Variants in ATRN observed in about 807,000 individuals in gnomAD.
ATRN encodes attractin-2.
A neutral mutation model predicts 178.7 loss-of-function variants in ATRN; 54 were observed. That is an observed-to-expected ratio of 0.30 (90% CI 0.24 to 0.38). The LOEUF is 0.38. ATRN is among the 10% of genes least tolerant of loss of function. ATRN has a pLI of 1.00. For missense variants in ATRN, 1,443 were observed against 1,815.1 expected (o/e 0.79, Z 3.73); for synonymous variants, 636 against 663.0 (o/e 0.96, Z 0.63).
In ATRN at chr20:3,578,679, G is replaced by A; in HGVS notation, c.2451G>A (p.Arg817=). The A allele has an allele frequency of 1.2e-6, 2 of 1,614,050 alleles. No homozygotes were observed. The highest frequency in any genetic ancestry group is 1.7e-6 in the Non-Finnish European group (2 of 1,179,966). ...ENYDNAKLFC[R]NHNALLASLT... is the part of the protein sequence containing the mutation. ...ATGACAATGCTAAATTGTTCTGTAG[G>A]AACCACAATGCCCTTTTGGCTTCTC... Residue 817 remains arginine (R), a synonymous_variant, in exon 15 of 29, where the codon AGG becomes AGA. Coordinates refer to ENST00000262919, the MANE Select transcript of ATRN (RefSeq NM_139321.3).
At chr20:3,592,504 A>T (rs1469917268) in intron 19 of ATRN, 3 of 980,578 alleles carry the variant, frequency 3.1e-6, no homozygotes, top group Non-Finnish European at 3.6e-6. Context: ...AAAAATTATG[A>T]CAAGTGATAT....
In ATRN at chr20:3,616,446, A is replaced by G. The variant is rs56054569; in HGVS notation, c.3802-8065A>G. 9.9e-3 allele frequency among the ~76,000 whole-genome samples: 1,492 copies of G among 150,478 alleles called. 22 individuals carry two copies. The highest frequency in any genetic ancestry group is 0.034 in the African/African-American group (1,386 of 40,838). On this transcript the variant is annotated intron_variant, in intron 24 of 28. Transcript: ENST00000262919. The stretch of plus-strand genomic sequence containing the variant: ...GAGTGCCCTGTGTCACCTGAGTCCA[A>G]GTTAAGAGAGATCACACCAGAGCTG...
In ATRN at chr20:3,495,920, T is replaced by A. The variant is rs539617498; in HGVS notation, c.410+24403T>A. On this transcript the variant is annotated intron_variant, in intron 1 of 28. Transcript: ENST00000262919. ...TAAACCAAAAACTAATAAAAATGAT[T>A]AAGGAGAGAGAGAGAATGGGGTGGA... Among the ~76,000 whole-genome samples, 12 of 152,094 alleles carry A rather than the reference T, an allele frequency of 7.9e-5. No individual in the cohort carries two copies. The East Asian group carries it at 2.1e-3, about 27-fold the overall frequency.
intron 9 of ATRN, among the ~76,000 whole-genome samples, chr20:3,562,903 A>G (rs2085974904): frequency 6.6e-6 from 1 of 152,208 alleles, no homozygotes; most frequent in Non-Finnish European, 1.5e-5. Flanking sequence ...TTTTTATGTC[A>G]TTAAGAAACC....
At chr20:3,536,453 C>A (rs923731375) in intron 2 of ATRN, among the ~76,000 whole-genome samples, 4 of 152,166 alleles carry the variant, frequency 2.6e-5, no homozygotes, top group African/African-American at 9.6e-5. Flanking sequence ...TCAAGTGATC[C>A]GCCTGCCTTG....
At chr20:3,636,804 C>T (rs1045409284) in intron 26 of ATRN, among the ~76,000 whole-genome samples, 5 of 152,178 alleles carry the variant, frequency 3.3e-5, no homozygotes, top group African/African-American at 7.2e-5. Context: ...AGCCCAAGTT[C>T]GTTATCTTCG....
intron 1 of ATRN, among the ~76,000 whole-genome samples, chr20:3,493,787 C>T (rs2084840381): frequency 6.6e-6 from 1 of 151,960 alleles, no homozygotes; most frequent in Non-Finnish European, 1.5e-5. Context: ...TTTTTCTTTT[C>T]CCATACTGTC....
At chr20:3,602,338 A>T (rs951280013) in intron 23 of ATRN, among the ~76,000 whole-genome samples, 4 of 152,150 alleles carry the variant, frequency 2.6e-5, no homozygotes, top group Admixed American at 2.0e-4. Context: ...TCAAAAAAAA[A>T]AAATAAAAAA....
At chr20:3,614,256 C>T (rs748870829) in intron 24 of ATRN, among the ~76,000 whole-genome samples, 1 of 152,154 alleles carries the variant, frequency 6.6e-6, no homozygotes, top group Non-Finnish European at 1.5e-5. Context: ...CCCCAGTAAG[C>T]CGGGGCTCAG....
chr20:3,577,441 C>T (rs1239552992), intron 14 of ATRN, among the ~76,000 whole-genome samples: 1 of 152,106 alleles, frequency 6.6e-6, no homozygotes, highest in Non-Finnish European at 1.5e-5. Flanking sequence ...GTCAGCAGCA[C>T]CTTTTAGGGG....
At chr20:3,561,002 G>A in intron 8 of ATRN, 97 bp downstream of exon 8, 3 of 1,420,324 alleles carry the variant, frequency 2.1e-6, no homozygotes, top group Non-Finnish European at 2.9e-6. Flanking sequence ...ACCTAATCTT[G>A]ATTCGGTACT....
At chr20:3,563,420 G>T in intron 10 of ATRN, 57 bp downstream of exon 10, 2 of 1,519,978 alleles carry the variant, frequency 1.3e-6, no homozygotes, top group African/African-American at 1.4e-5. Context: ...ACTATAAGCA[G>T]CATTTAAAAG....
intron 1 of ATRN, among the ~76,000 whole-genome samples, chr20:3,475,732 TGAATA>T (rs972101198): frequency 6.6e-6 from 1 of 152,168 alleles, no homozygotes; most frequent in African/African-American, 2.4e-5. Context: ...TTGGGAGAAT[TGAATA>T]GAATAATCTG....
In ATRN at chr20:3,507,398, C is replaced by T. The variant is rs2085060882; in HGVS notation, c.411-27855C>T. Reference sequence around the variant, plus strand: ...CACTCCAGCCTGCGACAGAGCGAAACTCCGTCTCAAAAAAAAAAAAAAAAT... The same window carrying T: ...CACTCCAGCCTGCGACAGAGCGAAATTCCGTCTCAAAAAAAAAAAAAAAAT... On this transcript the variant is annotated intron_variant, in intron 1 of 28. Coordinates refer to ENST00000262919, the MANE Select transcript of ATRN (RefSeq NM_139321.3). 5.4e-5 allele frequency among the ~76,000 whole-genome samples: 8 copies of T among 147,780 alleles called. No individual in the cohort carries two copies. In the South Asian group the frequency reaches 1.7e-3, roughly 32 times the overall value.
At chr20:3,613,425 A>G (rs1026974508) in intron 24 of ATRN, among the ~76,000 whole-genome samples, 34 of 152,134 alleles carry the variant, frequency 2.2e-4, no homozygotes, top group Non-Finnish European at 4.4e-4. Flanking sequence ...TTCCTGGGTA[A>G]ATACATCATG....
rs751004638 is a variant in ATRN, at chr20:3,594,568, C to G, written c.3412C>G (p.Gln1138Glu). ...CAAGGGCGTCAAGGGGGACGAGTGC[C>G]AGCTGTGAGTACCATACTCCCTGGA... ...TTKGVKGDEC[Q>E]LCEVENRYQG... is the part of the protein sequence containing the mutation. Residue 1138 changes from glutamine (Q) to glutamate (E), a missense_variant, in exon 20 of 29, where the codon CAG becomes GAG. Physicochemically the swap from Gln to Glu is conservative, Grantham distance 29. Transcript: ENST00000262919. 1 of 1,611,180 alleles carries G rather than the reference C, an allele frequency of 6.2e-7. No homozygotes were observed. Among genetic ancestry groups the G allele is most frequent in the African/African-American group, 1.3e-5 (1 of 75,000 alleles).
intron 1 of ATRN, among the ~76,000 whole-genome samples, chr20:3,526,309 T>C (rs557952276): frequency 6.6e-6 from 1 of 151,924 alleles, no homozygotes; most frequent in Non-Finnish European, 1.5e-5. Context: ...GACAAACTCA[T>C]GAGAGCCAAA....
chr20:3,557,011 C>T (rs1213573153), intron 6 of ATRN, among the ~76,000 whole-genome samples: 1 of 152,216 alleles, frequency 6.6e-6, no homozygotes, highest in Non-Finnish European at 1.5e-5. Context: ...TGTCCTTCCT[C>T]TGTTTCTTTC....
intron 11 of ATRN, among the ~76,000 whole-genome samples, chr20:3,569,732 T>C (rs2086090651): frequency 1.3e-5 from 2 of 152,266 alleles, no homozygotes; most frequent in African/African-American, 4.8e-5. Flanking sequence ...CTTTTAAAGA[T>C]GAAGACTTAA....
Sources: allele counts gnomAD v4.1 joint callset (sites outside exome capture counted in the v4.1 genomes callset), GRCh38; gene constraint gnomAD v4.1.1; transcripts MANE v1.5; gene names NCBI Gene and HGNC (gene_info 2026-07-23, HGNC 2026-07-21).